Variants in RNF13 observed in about 807,000 individuals in gnomAD.
RNF13 encodes E3 ubiquitin-protein ligase RNF13.
A neutral mutation model predicts 37.7 loss-of-function variants in RNF13; 19 were observed. The observed-to-expected ratio is 0.50, with a 90% CI of 0.35 to 0.74. The LOEUF is 0.74. RNF13 is among the 30% of genes least tolerant of loss of function. RNF13 has a pLI of 0.01. For missense variants in RNF13, 375 were observed against 453.0 expected, an observed-to-expected ratio of 0.83 and a Z score of 1.56; for synonymous variants, 144 against 157.8, an observed-to-expected ratio of 0.91 and a Z score of 0.65.
At chr3:149,815,546 G>A (rs929511787) in intron 1 of RNF13, among the ~76,000 whole-genome samples, 7 of 152,308 alleles carry the variant, frequency 4.6e-5, no homozygotes, top group African/African-American at 1.7e-4. Context: ...AAGAAAGTTG[G>A]TAAGCATTGT....
chr3:149,921,317 T>C (rs2108537121), intron 8 of RNF13, 90 bp downstream of exon 8: 2 of 353,776 alleles, frequency 5.7e-6, no homozygotes, highest in South Asian at 2.2e-4. Context: ...TTATTATTAT[T>C]ATACTTTAAG....
At position 149,921,178 on chromosome 3, in the gene RNF13, A is replaced by G; in HGVS notation, c.651A>G (p.Arg217=). ...ATAGACATAGAGCTAGAAGAAACAG[A>G]CTTCGTAAAGATCAACTTAAGAAAC... ...VQDRHRARRN[R]LRKDQLKKLP... Residue 217 remains arginine (R), a synonymous_variant, in exon 8 of 10, where the codon AGA becomes AGG. Coordinates refer to ENST00000392894, the MANE Select transcript of RNF13 (RefSeq NM_183381.3). 7.0e-7 allele frequency: 1 copy of G among 1,433,096 alleles called. No homozygotes were observed. The allele number at this position is 1,433,096 out of a possible 1,614,324, so 88.8% of individuals were successfully genotyped here.
At chr3:149,917,269 C>T (rs377428303) in intron 7 of RNF13, 9 of 152,330 alleles carry the variant, frequency 5.9e-5, no homozygotes, top group African/African-American at 2.2e-4. Flanking sequence ...TTCTGCAATT[C>T]TGCGGCAGAG....
chr3:149,889,602 C>T (rs959281589), intron 4 of RNF13, among the ~76,000 whole-genome samples: 1 of 151,646 alleles, frequency 6.6e-6, no homozygotes, highest in Non-Finnish European at 1.5e-5. Context: ...TGCACTTGGC[C>T]CCAAATATTT....
intron 3 of RNF13, among the ~76,000 whole-genome samples, chr3:149,861,067 T>A (rs1323301363): frequency 6.6e-6 from 1 of 152,154 alleles, no homozygotes; most frequent in Non-Finnish European, 1.5e-5. Flanking sequence ...AGATAGCATC[T>A]TAATCCAGTT....
At position 149,895,268 on chromosome 3, in the gene RNF13, G is replaced by A. The variant is rs1715123348; in HGVS notation, c.322-205G>A. 1.3e-5 allele frequency: 5 copies of A among 389,244 alleles called. No homozygotes were observed. The South Asian group carries it at 4.6e-4, about 36-fold the overall frequency. 24.1% of individuals were successfully genotyped at this position (389,244 alleles called of 1,614,324 possible). A position where few individuals can be genotyped will look rare whatever the true frequency, so the allele number is the denominator to read the frequency against. ...TTCATGGCAGAGGTGGGAATTGAAT[G>A]CTCAAGGTCTGGTAACTCCTAAGCC... On this transcript the variant is annotated intron_variant, in intron 4 of 9. Transcript: ENST00000392894.
chr3:149,857,429 T>C (rs553131365), intron 3 of RNF13, among the ~76,000 whole-genome samples: 108 of 152,356 alleles, frequency 7.1e-4, no homozygotes, highest in Admixed American at 1.4e-3. Context: ...AAGAAAGATT[T>C]TATTTTTGTA....
chr3:149,933,597 T>G (rs1446727959), intron 8 of RNF13, among the ~76,000 whole-genome samples: 1 of 151,286 alleles, frequency 6.6e-6, no homozygotes, highest in Non-Finnish European at 1.5e-5. Context: ...TTTTTTTTTT[T>G]TTTTGAGATG....
At chr3:149,846,943 A>G (rs951824326) in intron 2 of RNF13, among the ~76,000 whole-genome samples, 1 of 152,190 alleles carries the variant, frequency 6.6e-6, no homozygotes, top group Non-Finnish European at 1.5e-5. Flanking sequence ...TTTAGAGAAG[A>G]AGAGTGCTGC....
At chr3:149,942,256 AG>A (rs1440284429) in intron 8 of RNF13, among the ~76,000 whole-genome samples, 2 of 152,160 alleles carry the variant, frequency 1.3e-5, no homozygotes, top group Non-Finnish European at 2.9e-5. Context: ...TATTTTGATA[AG>A]AATTACATTG....
chr3:149,922,332 A>G (rs1718223103), intron 8 of RNF13, among the ~76,000 whole-genome samples: 1 of 152,190 alleles, frequency 6.6e-6, no homozygotes, highest in African/African-American at 2.4e-5. Context: ...ACCATAAACT[A>G]TGCCTAACGC....
At chr3:149,852,738 AT>A (rs1213017029) in intron 3 of RNF13, 142 bp downstream of exon 3, 5 of 420,468 alleles carry the variant, frequency 1.2e-5, no homozygotes, top group Non-Finnish European at 2.2e-5. Context: ...GGGTCAGATT[AT>A]TCAAAAGATA....
intron 8 of RNF13, among the ~76,000 whole-genome samples, chr3:149,931,059 G>GT (rs1047987298): frequency 1.3e-5 from 2 of 151,298 alleles, no homozygotes; most frequent in Admixed American, 1.3e-4. Context: ...GTGTGTTTTT[G>GT]TTTTTTTGGT....
intron 1 of RNF13, among the ~76,000 whole-genome samples, chr3:149,829,810 G>A (rs999947846): frequency 2.0e-5 from 3 of 152,082 alleles, no homozygotes; most frequent in Admixed American, 6.5e-5. Context: ...ATCACATTTC[G>A]AATTATAGCT....
chr3:149,823,300 G>C (rs185525272), intron 1 of RNF13, among the ~76,000 whole-genome samples: 34 of 152,180 alleles, frequency 2.2e-4, no homozygotes, highest in African/African-American at 7.7e-4. Context: ...AATAAATAAT[G>C]TATATTAAGG....
intron 7 of RNF13, among the ~76,000 whole-genome samples, chr3:149,912,389 T>C (rs1179855962): frequency 6.6e-6 from 1 of 152,158 alleles, no homozygotes; most frequent in African/African-American, 2.4e-5. Flanking sequence ...ATGCATGGCA[T>C]TTGTCTGGAT....
chr3:149,903,908 A>G (rs1374744377), intron 6 of RNF13, among the ~76,000 whole-genome samples: 1 of 151,648 alleles, frequency 6.6e-6, no homozygotes, highest in Non-Finnish European at 1.5e-5. Flanking sequence ...ATAAAGATCT[A>G]CTCTATCTAT....
intron 4 of RNF13, among the ~76,000 whole-genome samples, chr3:149,894,267 T>C (rs950896469): frequency 6.6e-6 from 1 of 152,178 alleles, no homozygotes; most frequent in Non-Finnish European, 1.5e-5. Context: ...TCAAGAATAA[T>C]GTAGAAGATA....
chr3:149,945,192 A>G (rs796513151), intron 8 of RNF13, among the ~76,000 whole-genome samples: 1 of 152,208 alleles, frequency 6.6e-6, no homozygotes, highest in African/African-American at 2.4e-5. Context: ...TAGCAGTACC[A>G]TGCTGTTTTG....
Sources: gnomAD v4.1 joint callset for allele counts (sites outside exome capture counted in the v4.1 genomes callset) on GRCh38, gnomAD v4.1.1 for gene constraint, MANE v1.5 for transcripts, NCBI Gene and HGNC (gene_info 2026-07-23, HGNC 2026-07-21) for gene names.